The following CARMIL1 variants were observed in gnomAD, a reference collection of about 807,000 sequenced individuals.
CARMIL1 encodes F-actin-uncapping protein LRRC16A.
Under a neutral mutation model 177.1 loss-of-function variants are expected in CARMIL1, and 90 were observed. The ratio of observed to expected loss-of-function variants is 0.51; its 90% CI spans 0.43 to 0.61. The LOEUF (loss-of-function observed/expected upper bound fraction) is 0.61. CARMIL1 is among the 20% of genes least tolerant of loss of function. The probability of loss-of-function intolerance (pLI) is 0.00; values close to 1 mark genes in which losing one functional copy is unlikely to be tolerated. For synonymous variants in CARMIL1, 577 were observed against 606.2 expected, an observed-to-expected ratio of 0.95 and a Z score of 0.71; for missense variants, 1,380 against 1,667.0, an observed-to-expected ratio of 0.83 and a Z score of 3.00.
At position 25,449,972 on chromosome 6, in the gene CARMIL1, C is replaced by T. The variant is rs756158533; in HGVS notation, c.446C>T (p.Thr149Ile). Residue 149 changes from threonine (T) to isoleucine (I), a missense_variant, in exon 6 of 37, where the codon ACC becomes ATC. Physicochemically the swap from Thr to Ile is moderately conservative, Grantham distance 89. Transcript: ENST00000329474. ...CTCCAGGCGCTGTGGGACAGCCAGACCGTGGCTGAGCAGGGCCCCTGTGGT... is the reference window on the plus strand; with the variant it reads ...CTCCAGGCGCTGTGGGACAGCCAGATCGTGGCTGAGCAGGGCCCCTGTGGT... ...ASLQALWDSQ[T>I]VAEQGPCGGF... 6.2e-7 allele frequency: 1 copy of T among 1,610,968 alleles called. No homozygotes were observed. Among genetic ancestry groups the T allele is most frequent in the Non-Finnish European group, 8.5e-7 (1 of 1,178,340 alleles).
chr6:25,522,374 C>G (rs894037003), intron 23 of CARMIL1, among the ~76,000 whole-genome samples: 1 of 152,218 alleles, frequency 6.6e-6, no homozygotes, highest in Non-Finnish European at 1.5e-5. Context: ...CTTCCCACTT[C>G]ATCTCTGGCC....
At chr6:25,592,010 G>A (rs1814351953) in intron 31 of CARMIL1, among the ~76,000 whole-genome samples, 2 of 152,142 alleles carry the variant, frequency 1.3e-5, no homozygotes, top group East Asian at 1.9e-4. Context: ...AATTTTTCCT[G>A]AGGGAAGAAA....
Position 25,619,555 on chromosome 6 carries a change from A to C in CARMIL1, c.4088A>C (p.Glu1363Ala), listed in dbSNP as rs3747525. The change falls in exon 37 of 37, where the codon GAA becomes GCA. Residue 1363 changes from glutamate (E) to alanine (A), a missense_variant. By Grantham distance (107) the Glu-to-Ala change is moderately radical. Transcript: ENST00000329474. Reference sequence around the variant, plus strand: ...AGCAAATCTAATGACTCCGGGGAAGAAGCAGAAAAAGAGTTTATTTTTGTG... The same window carrying C: ...AGCAAATCTAATGACTCCGGGGAAGCAGCAGAAAAAGAGTTTATTTTTGTG... ...QGSKSNDSGE[E>A]AEKEFIFV is the part of the protein sequence containing the mutation. The C allele has an allele frequency of 1.1e-5, 17 of 1,613,796 alleles. No individual in the cohort carries two copies. The East Asian group carries it at 3.6e-4, about 34-fold the overall frequency.
intron 2 of CARMIL1, among the ~76,000 whole-genome samples, chr6:25,330,069 A>G (rs1785474549): frequency 6.6e-6 from 1 of 152,260 alleles, no homozygotes. Context: ...AGAGAGTTTC[A>G]TTCTGGAGTT....
chr6:25,298,380 A>G (rs1263456706), intron 2 of CARMIL1, among the ~76,000 whole-genome samples: 1 of 152,242 alleles, frequency 6.6e-6, no homozygotes, highest in Admixed American at 6.5e-5. Context: ...ATTTTAAGCC[A>G]GTACAGACTG....
At chr6:25,397,652 G>A (rs1793533953) in intron 2 of CARMIL1, among the ~76,000 whole-genome samples, 1 of 152,210 alleles carries the variant, frequency 6.6e-6, no homozygotes, top group Admixed American at 6.5e-5. Context: ...CAAGTGAATA[G>A]CATGGTATTC....
intron 8 of CARMIL1, chr6:25,452,099 G>A: frequency 1.3e-6 from 1 of 757,648 alleles, no homozygotes; most frequent in South Asian, 1.3e-5. Flanking sequence ...GAATCGGCCA[G>A]GGAAAAAGTA....
intron 35 of CARMIL1, among the ~76,000 whole-genome samples, chr6:25,608,447 T>G (rs913332796): frequency 2.6e-5 from 4 of 152,200 alleles, no homozygotes; most frequent in African/African-American, 9.7e-5. Flanking sequence ...AGGCATCCAC[T>G]GGAGGTCTTG....
intron 24 of CARMIL1, among the ~76,000 whole-genome samples, chr6:25,529,755 C>CAAAAAAAAAAAAAAAAAAAAAAAA (rs70977217): frequency 3.3e-4 from 11 of 33,534 alleles, no homozygotes; most frequent in Non-Finnish European, 4.4e-4. Flanking sequence ...ACTCCGTCTC[C>CAAAAAAAAAAAAAAAAAAAAAAAA]AAAAAAAAAA....
In CARMIL1 at chr6:25,577,227, A is replaced by C. The variant is rs1812672029; in HGVS notation, c.2743-3697A>C. 1.7e-6 allele frequency: 1 copy of C among 580,980 alleles called. No individual in the cohort carries two copies. The highest frequency in any genetic ancestry group is 2.0e-5 in the African/African-American group (1 of 49,322). 36.0% of individuals were successfully genotyped at this position (580,980 alleles called of 1,614,324 possible). ...TATCTCCAGCCATGTGCCTGAAAGC[A>C]AGCAGAGTGTTGATGAAGAGGATAC... On this transcript the variant is annotated intron_variant, in intron 29 of 36. Coordinates refer to ENST00000329474, the MANE Select transcript of CARMIL1 (RefSeq NM_017640.6). This position sits in a 1 kb window ranked among gnomAD's most constrained non-coding sequence, Gnocchi z 4.5.
chr6:25,543,946 G>C (rs1366970202), intron 26 of CARMIL1, among the ~76,000 whole-genome samples: 1 of 152,048 alleles, frequency 6.6e-6, no homozygotes, highest in African/African-American at 2.4e-5. Context: ...AGTACCATTA[G>C]TTATTTTTAC....
chr6:25,456,707 CT>C (rs1323767290), intron 8 of CARMIL1, among the ~76,000 whole-genome samples: 1 of 152,100 alleles, frequency 6.6e-6, no homozygotes, highest in Non-Finnish European at 1.5e-5. Context: ...AAATATATAG[CT>C]TTAACTACAT....
intron 16 of CARMIL1, among the ~76,000 whole-genome samples, chr6:25,496,923 A>G (rs1169460830): frequency 6.6e-6 from 1 of 152,222 alleles, no homozygotes; most frequent in African/African-American, 2.4e-5. Flanking sequence ...CCAGTTTGCA[A>G]CAAGGCTGGA....
At position 25,565,618 on chromosome 6, in the gene CARMIL1, G is replaced by A. The variant is rs138632248; in HGVS notation, c.2742+8768G>A. ...TCCTAGCACTTTGGGAGGCCGAGGC[G>A]GGCAGATCATGAGGTGAGGAGATCG... On this transcript the variant is annotated intron_variant, in intron 29 of 36. Coordinates refer to ENST00000329474, the MANE Select transcript of CARMIL1 (RefSeq NM_017640.6). Among the ~76,000 whole-genome samples, 1,078 of 152,240 alleles carry A rather than the reference G, an allele frequency of 7.1e-3. 10 individuals carry two copies. The highest frequency in any genetic ancestry group is 0.021 in the African/African-American group (880 of 41,544).
At chr6:25,575,824 AG>A (rs1812536996) in intron 29 of CARMIL1, among the ~76,000 whole-genome samples, 1 of 152,214 alleles carries the variant, frequency 6.6e-6, no homozygotes, top group Admixed American at 6.5e-5. Flanking sequence ...TGATGGTTAT[AG>A]GGAATGCTTT....
chr6:25,369,937 G>A (rs1394072148), intron 2 of CARMIL1: 1 of 152,266 alleles, frequency 6.6e-6, no homozygotes, highest in Non-Finnish European at 1.5e-5. Context: ...TGTGAATGAC[G>A]TTGCTTACCT....
At chr6:25,415,675 C>T (rs1222415861) in intron 2 of CARMIL1, among the ~76,000 whole-genome samples, 2 of 152,122 alleles carry the variant, frequency 1.3e-5, no homozygotes, top group African/African-American at 4.8e-5. Flanking sequence ...CCAATATGCT[C>T]ATTGTATAAT....
chr6:25,529,226 C>T (rs981634881), intron 24 of CARMIL1, among the ~76,000 whole-genome samples: 1 of 152,004 alleles, frequency 6.6e-6, no homozygotes. Flanking sequence ...TCTCTTTATT[C>T]CTTCACACTT....
chr6:25,527,176 T>C (rs1187175764), intron 23 of CARMIL1, among the ~76,000 whole-genome samples: 5 of 152,210 alleles, frequency 3.3e-5, no homozygotes, highest in African/African-American at 4.8e-5. Flanking sequence ...ACACCTTTGG[T>C]CCTTCAGGAA....
Sources: allele counts gnomAD v4.1 joint callset (sites outside exome capture counted in the v4.1 genomes callset), GRCh38; gene constraint gnomAD v4.1.1; non-coding constraint Gnocchi (gnomAD v3.1); transcripts MANE v1.5; gene names NCBI Gene and HGNC (gene_info 2026-07-23, HGNC 2026-07-21).